The following ADAMTS14 variants were observed in gnomAD, a reference collection of about 807,000 sequenced individuals.
ADAMTS14 encodes the protein ADAM metallopeptidase with thrombospondin type 1 motif 14.
ADAMTS14 carries 100 observed loss-of-function variants against 128.6 expected under a neutral mutation model. That is an observed-to-expected ratio of 0.78 (90% confidence interval 0.66 to 0.92). The LOEUF is 0.92. Among genes scored for constraint, ADAMTS14 ranks in the 40% least tolerant of loss-of-function variants. The pLI is 0.00. For synonymous variants in ADAMTS14, 665 were observed against 653.8 expected, an observed-to-expected ratio of 1.02 and a Z score of -0.26; for missense variants, 1,562 against 1,658.6, an observed-to-expected ratio of 0.94 and a Z score of 1.01.
chr10:70,704,761 A>C (rs1840606654), intron 3 of ADAMTS14, among the ~76,000 whole-genome samples: 1 of 143,678 alleles, frequency 7.0e-6, no homozygotes. Context: ...TGATGCAAAC[A>C]CATGCTTACA....
intron 2 of ADAMTS14, among the ~76,000 whole-genome samples, chr10:70,696,437 A>G (rs908895525): frequency 3.9e-5 from 6 of 152,116 alleles, no homozygotes; most frequent in African/African-American, 1.4e-4. Context: ...GGGAAGTGCA[A>G]CAGAACCTCA....
chr10:70,738,550 G>A (rs901762697), intron 10 of ADAMTS14, among the ~76,000 whole-genome samples: 17 of 152,130 alleles, frequency 1.1e-4, no homozygotes, highest in African/African-American at 3.4e-4. Context: ...CGGGTGTGCC[G>A]ATAATTGCAC....
intron 13 of ADAMTS14, 60 bp downstream of exon 13, chr10:70,743,741 A>G: frequency 6.7e-7 from 1 of 1,483,718 alleles, no homozygotes; most frequent in South Asian, 1.4e-5. Context: ...GCTGCACTGT[A>G]GCCCCTCCTG....
At position 70,760,414 on chromosome 10, in the gene ADAMTS14, G is replaced by A. The variant is rs778477923; in HGVS notation, c.3233G>A (p.Arg1078His). 16 of 1,609,394 alleles carry A rather than the reference G, an allele frequency of 9.9e-6. No individual in the cohort carries two copies. The highest frequency in any genetic ancestry group is 5.5e-5 in the South Asian group (5 of 90,654). The change falls in exon 22 of 22, where the codon CGC becomes CAC. Residue 1078 changes from arginine (R) to histidine (H), a missense_variant. By Grantham distance (29) the Arg-to-His change is conservative. Transcript: ENST00000373207. ...TTCTGCCAGATGGAAGTGCTCGATC[G>A]CTACTGCTCCATTCCCGGCTACCAC... ...SVFCQMEVLD[R>H]YCSIPGYHRL... is the part of the protein sequence containing the mutation.
chr10:70,703,204 T>C (rs1252184110), intron 3 of ADAMTS14, among the ~76,000 whole-genome samples: 1 of 152,176 alleles, frequency 6.6e-6, no homozygotes, highest in Non-Finnish European at 1.5e-5. Context: ...TGCAGGAGGC[T>C]ACACACCAGA....
chr10:70,700,578 G>A (rs910067026), intron 2 of ADAMTS14, among the ~76,000 whole-genome samples: 1 of 152,192 alleles, frequency 6.6e-6, no homozygotes, highest in African/African-American at 2.4e-5. Context: ...GGTGGCAAGA[G>A]TGTTGGGCCT....
At chr10:70,724,083 G>A (rs1841354046) in intron 4 of ADAMTS14, among the ~76,000 whole-genome samples, 1 of 152,222 alleles carries the variant, frequency 6.6e-6, no homozygotes, top group South Asian at 2.1e-4. Flanking sequence ...GCACACAGTA[G>A]GTGCTTGGGG....
intron 15 of ADAMTS14, among the ~76,000 whole-genome samples, chr10:70,748,406 G>C (rs1403144642): frequency 6.6e-6 from 1 of 152,248 alleles, no homozygotes; most frequent in African/African-American, 2.4e-5. Flanking sequence ...GTCTGGAGCT[G>C]CTGGGGACTG....
intron 15 of ADAMTS14, among the ~76,000 whole-genome samples, chr10:70,746,451 AT>A (rs899099958): frequency 1.3e-5 from 2 of 152,208 alleles, no homozygotes; most frequent in Admixed American, 1.3e-4. Context: ...GCTAATGGGT[AT>A]CAGGTTTCTT....
intron 2 of ADAMTS14, among the ~76,000 whole-genome samples, chr10:70,679,319 A>G (rs1414377917): frequency 6.6e-6 from 1 of 152,154 alleles, no homozygotes; most frequent in Non-Finnish European, 1.5e-5. Flanking sequence ...TCCTGCCTGC[A>G]AAGTGCTTCC....
At chr10:70,736,899 CT>C in intron 10 of ADAMTS14, 106 bp downstream of exon 10, 1 of 989,358 alleles carries the variant, frequency 1.0e-6, no homozygotes. Context: ...CCTCCAAGTG[CT>C]TATATGAGTT....
chr10:70,688,886 GGAGGGGGAGGGAGAGGGA>G (rs1173183752), intron 2 of ADAMTS14, among the ~76,000 whole-genome samples: 236 of 8,190 alleles, frequency 0.029, 75 homozygotes, highest in African/African-American at 0.095. Flanking sequence ...AGGGGGAGGG[GGAGGGGGAGGGAGAGGGA>G]GAGCCTTTGC....
Position 70,732,295 on chromosome 10 carries a change from T to C in ADAMTS14, c.1144T>C (p.Cys382Arg). 6.2e-7 allele frequency: 1 copy of C among 1,614,222 alleles called. No individual in the cohort carries two copies. The highest frequency in any genetic ancestry group is 8.5e-7 in the Non-Finnish European group (1 of 1,180,026). Residue 382 changes from cysteine to arginine, a missense_variant, in exon 7 of 22, where the codon TGT (cysteine) becomes CGT (arginine). Coordinates refer to ENST00000373207, the MANE Select transcript of ADAMTS14 (RefSeq NM_080722.4). ...TGGCATGTGTCACCCCCTGAGGAGC[T>C]GTGCCCTCAACCATGAGGATGGCTT... is the stretch of plus-strand genomic sequence containing the variant. ...VTGMCHPLRS[C>R]ALNHEDGFSS...
intron 2 of ADAMTS14, among the ~76,000 whole-genome samples, chr10:70,698,594 A>G (rs1241943638): frequency 6.6e-6 from 1 of 152,200 alleles, no homozygotes; most frequent in Admixed American, 6.5e-5. Flanking sequence ...CCAGACCTGG[A>G]TGAGAGCTGC....
intron 4 of ADAMTS14, 33 bp from the exon 5 acceptor site, chr10:70,729,261 T>G (rs1283694825): frequency 6.3e-7 from 1 of 1,583,308 alleles, no homozygotes; most frequent in African/African-American, 1.3e-5. Flanking sequence ...TAATGAATGT[T>G]TCCTTCCCTT....
intron 3 of ADAMTS14, among the ~76,000 whole-genome samples, chr10:70,706,266 G>C (rs895691076): frequency 3.3e-5 from 5 of 152,222 alleles, no homozygotes; most frequent in Non-Finnish European, 7.3e-5. Context: ...GGCTGGGGGA[G>C]GCCTGAGTTT....
rs1369054840 is a variant in ADAMTS14 at position 70,741,146 on chromosome 10, C to T, written c.1908C>T (p.Pro636=). ...AGAATGCCAAGCACAGCTGGGTGCC[C>T]TACGAGCCTGACGATGGTGAGTGGG... ...VHQNAKHSWV[P]YEPDDDAQKC... is the part of the protein sequence containing the mutation. The change falls in exon 12 of 22, where the codon CCC becomes CCT. Residue 636 remains proline (P), a synonymous_variant. Transcript: ENST00000373207. 1 of 1,613,048 alleles carries T rather than the reference C, an allele frequency of 6.2e-7. No homozygotes were observed. The highest frequency in any genetic ancestry group is 1.1e-5 in the South Asian group (1 of 91,080).
intron 2 of ADAMTS14, among the ~76,000 whole-genome samples, chr10:70,683,819 G>C (rs1003020493): frequency 6.6e-6 from 1 of 152,114 alleles, no homozygotes; most frequent in South Asian, 2.1e-4. Context: ...GCTGTAGGCC[G>C]CGCGGCCTCA....
chr10:70,717,493 G>T (rs1228103902), intron 4 of ADAMTS14, among the ~76,000 whole-genome samples: 1 of 152,152 alleles, frequency 6.6e-6, no homozygotes, highest in African/African-American at 2.4e-5. Flanking sequence ...GGGATGGCTG[G>T]CAAGGCAGCA....
Sources: allele counts gnomAD v4.1 joint callset (sites outside exome capture counted in the v4.1 genomes callset), GRCh38; gene constraint gnomAD v4.1.1; transcripts MANE v1.5; gene names NCBI Gene and HGNC (gene_info 2026-07-23, HGNC 2026-07-21).